The following DLG2 variants were observed in gnomAD, a reference collection of about 807,000 sequenced individuals.
The protein encoded by DLG2 is discs large MAGUK scaffold protein 2.
DLG2 carries 45 observed loss-of-function variants against 132.5 expected under a neutral mutation model. The observed-to-expected ratio is 0.34, with a 90% CI of 0.27 to 0.44. The LOEUF (loss-of-function observed/expected upper bound fraction) is 0.44, where lower values mean the gene tolerates loss of function less well. Among genes scored for constraint, DLG2 ranks in the 20% least tolerant of loss-of-function variants. DLG2 has a pLI of 1.00. For synonymous variants in DLG2, 424 were observed against 419.6 expected (o/e 1.01, Z -0.13); for missense variants, 1,045 against 1,196.9 (o/e 0.87, Z 1.87).
intron 3 of DLG2, among the ~76,000 whole-genome samples, chr11:85,310,243 T>C (rs1203686875): frequency 6.6e-6 from 1 of 152,222 alleles, no homozygotes; most frequent in Non-Finnish European, 1.5e-5. Context: ...TGTCTAATTC[T>C]TTGCTCAGCA....
intron 3 of DLG2, among the ~76,000 whole-genome samples, chr11:85,352,860 G>A (rs934034647): frequency 6.6e-6 from 1 of 152,186 alleles, no homozygotes; most frequent in Non-Finnish European, 1.5e-5. Context: ...AGACTTAAAT[G>A]TTAGACCAAA....
At chr11:84,966,887 G>C (rs139725855) in intron 6 of DLG2, among the ~76,000 whole-genome samples, 1 of 151,956 alleles carries the variant, frequency 6.6e-6, no homozygotes, top group African/African-American at 2.4e-5. Context: ...TAAAAGAGAA[G>C]CTAAGGTTTT....
Position 84,448,011 on chromosome 11 carries a change from C to T in DLG2, c.519+86559G>A, listed in dbSNP as rs545533922. ...CACAAACAACAATGCATAAATAAGG[C>T]CATTTTTTTGAAACAGCTACACAGT... On this transcript the variant is annotated intron_variant, in intron 7 of 27. Transcript: ENST00000376104. 8.6e-5 allele frequency among the ~76,000 whole-genome samples: 13 copies of T among 152,038 alleles called. No individual in the cohort carries two copies. In the South Asian group the frequency reaches 2.5e-3, roughly 29 times the overall value.
chr11:85,473,883 T>C (rs2093059882), intron 3 of DLG2, among the ~76,000 whole-genome samples: 1 of 151,688 alleles, frequency 6.6e-6, no homozygotes, highest in Non-Finnish European at 1.5e-5. Flanking sequence ...ATCAATCTGA[T>C]ACAAAGCAAG....
chr11:84,317,382 C>G, intron 7 of DLG2: 3 of 1,368,180 alleles, frequency 2.2e-6, no homozygotes, highest in Non-Finnish European at 2.8e-6. Flanking sequence ...ACTCACAGAG[C>G]AACTTGACAG....
intron 11 of DLG2, among the ~76,000 whole-genome samples, chr11:84,034,607 T>A (rs1478920322): frequency 1.3e-5 from 2 of 152,170 alleles, no homozygotes; most frequent in East Asian, 1.9e-4. Flanking sequence ...TGATTTAGAA[T>A]GGATGAGCAA....
intron 6 of DLG2, among the ~76,000 whole-genome samples, chr11:84,945,299 G>A (rs1256473412): frequency 1.3e-5 from 2 of 152,214 alleles, no homozygotes; most frequent in Non-Finnish European, 1.5e-5. Flanking sequence ...AACGCTGTGA[G>A]TCTTGCAGAC....
At chr11:85,108,552 A>AT (rs869097584) in intron 6 of DLG2, among the ~76,000 whole-genome samples, 5 of 80,108 alleles carry the variant, frequency 6.2e-5, no homozygotes, top group South Asian at 3.9e-4. Flanking sequence ...TTAACCGCCC[A>AT]TTTTTTTTAT....
chr11:83,821,401 T>A (rs1156269626), intron 17 of DLG2, among the ~76,000 whole-genome samples: 1 of 152,150 alleles, frequency 6.6e-6, no homozygotes, highest in Admixed American at 6.6e-5. Flanking sequence ...TACTTGGAAT[T>A]AAGAAACTTA....
chr11:85,279,508 A>C (rs1348366428), intron 4 of DLG2, among the ~76,000 whole-genome samples: 3 of 152,088 alleles, frequency 2.0e-5, no homozygotes, highest in Non-Finnish European at 4.4e-5. Flanking sequence ...CTTATGTATG[A>C]AAACACTCAC....
chr11:84,708,715 T>G (rs1379228704), intron 6 of DLG2, among the ~76,000 whole-genome samples: 4 of 151,852 alleles, frequency 2.6e-5, no homozygotes, highest in African/African-American at 9.7e-5. Flanking sequence ...TAAAACCCTT[T>G]TCTTTCCTCT....
chr11:83,550,463 G>T (rs976467562), intron 19 of DLG2, among the ~76,000 whole-genome samples: 1 of 152,110 alleles, frequency 6.6e-6, no homozygotes, highest in African/African-American at 2.4e-5. Flanking sequence ...TCTCTTTCAG[G>T]CTGTCCTGGC....
chr11:83,741,684 G>A (rs61440361), intron 18 of DLG2, among the ~76,000 whole-genome samples: 8,587 of 152,078 alleles, frequency 0.056, 829 homozygotes, highest in African/African-American at 0.19. Context: ...AATATTTCAT[G>A]CTCATGGATT....
At chr11:83,653,893 T>A (rs1011033044) in intron 18 of DLG2, among the ~76,000 whole-genome samples, 14 of 152,004 alleles carry the variant, frequency 9.2e-5, no homozygotes, top group African/African-American at 2.9e-4. Flanking sequence ...TAGCTAATAT[T>A]TTTTTTAGTA....
chr11:85,522,513 G>T (rs780331346), intron 3 of DLG2, among the ~76,000 whole-genome samples: 2 of 152,118 alleles, frequency 1.3e-5, no homozygotes, highest in Non-Finnish European at 2.9e-5. Flanking sequence ...CAGAATAGTA[G>T]ATCCACCAAC....
chr11:85,457,017 C>T (rs1372824651), intron 3 of DLG2, among the ~76,000 whole-genome samples: 2 of 152,082 alleles, frequency 1.3e-5, no homozygotes, highest in African/African-American at 4.8e-5. Flanking sequence ...CTGTCTAATA[C>T]TGTCAGTGGG....
At chr11:85,395,863 G>A (rs1269364354) in intron 3 of DLG2, among the ~76,000 whole-genome samples, 1 of 152,192 alleles carries the variant, frequency 6.6e-6, no homozygotes, top group Non-Finnish European at 1.5e-5. Context: ...GCAGCAGACA[G>A]CTTCTGCAGA....
At chr11:85,503,652 C>A (rs2093856567) in intron 3 of DLG2, among the ~76,000 whole-genome samples, 1 of 151,998 alleles carries the variant, frequency 6.6e-6, no homozygotes, top group South Asian at 2.1e-4. Context: ...GAAACAAAGA[C>A]CAGGAATGGT....
At chr11:83,829,083 T>A (rs1056527656) in intron 17 of DLG2, among the ~76,000 whole-genome samples, 3 of 152,138 alleles carry the variant, frequency 2.0e-5, no homozygotes, top group Non-Finnish European at 4.4e-5. Flanking sequence ...ATCCTCCAGA[T>A]CCCTTCCCTG....
Sources: allele counts gnomAD v4.1 joint callset (sites outside exome capture counted in the v4.1 genomes callset), GRCh38; gene constraint gnomAD v4.1.1; transcripts MANE v1.5; gene names NCBI Gene and HGNC (gene_info 2026-07-23, HGNC 2026-07-21).